Variants in ACBD6 observed in about 807,000 individuals in gnomAD.
ACBD6 encodes acyl-CoA binding domain containing 6, also known as acyl-CoA-binding domain-containing protein 6.
Under a neutral mutation model 37.2 loss-of-function variants are expected in ACBD6, and 28 were observed. The observed-to-expected ratio is 0.75, with a 90% confidence interval of 0.56 to 1.03. ACBD6 has a LOEUF of 1.03. Ranked by LOEUF, ACBD6 falls within the 50% of genes least tolerant of loss-of-function variation. The pLI, the probability that ACBD6 is intolerant of heterozygous loss-of-function variation, is 0.00. For synonymous variants in ACBD6, 113 were observed against 126.8 expected (o/e 0.89, Z 0.73); for missense variants, 340 against 337.4 (o/e 1.01, Z -0.06).
chr1:180,276,211 T>C (rs1218074659), intron 9 of ACBD6: 1 of 152,240 alleles, frequency 6.6e-6, no homozygotes, highest in East Asian at 1.9e-4. Flanking sequence ...CCCTTCCTTC[T>C]ACGAATGGTT....
At chr1:180,296,544 C>T (rs896990238) in intron 7 of ACBD6, among the ~76,000 whole-genome samples, 4 of 152,130 alleles carry the variant, frequency 2.6e-5, no homozygotes, top group Non-Finnish European at 5.9e-5. Context: ...ATTCTCGTAC[C>T]TCAGCCTCCT....
intron 4 of ACBD6, among the ~76,000 whole-genome samples, chr1:180,422,591 T>G (rs1372714769): frequency 6.6e-6 from 1 of 152,170 alleles, no homozygotes. Flanking sequence ...CAGACCTCAA[T>G]CTACAATACG....
At chr1:180,428,956 C>T (rs1242305460) in intron 4 of ACBD6, among the ~76,000 whole-genome samples, 1 of 152,164 alleles carries the variant, frequency 6.6e-6, no homozygotes, top group Non-Finnish European at 1.5e-5. Context: ...GCTAACTCTA[C>T]ATAAGCAATA....
intron 6 of ACBD6, among the ~76,000 whole-genome samples, chr1:180,395,209 A>G (rs1465342948): frequency 6.6e-6 from 1 of 152,142 alleles, no homozygotes; most frequent in Non-Finnish European, 1.5e-5. Flanking sequence ...AATTATGGTG[A>G]GTAGTGGGCG....
intron 6 of ACBD6, among the ~76,000 whole-genome samples, chr1:180,354,966 A>C (rs1382887612): frequency 1.3e-5 from 2 of 152,254 alleles, no homozygotes; most frequent in Non-Finnish European, 2.9e-5. Flanking sequence ...ACAAAGATGC[A>C]GTATTCCAGG....
intron 3 of ACBD6, among the ~76,000 whole-genome samples, chr1:180,453,772 A>T (rs1649804479): frequency 6.6e-6 from 1 of 152,222 alleles, no homozygotes; most frequent in African/African-American, 2.4e-5. Flanking sequence ...CAGAGAGCCA[A>T]ATCATGAGTG....
At chr1:180,400,925 A>G (rs945179557) in intron 5 of ACBD6, among the ~76,000 whole-genome samples, 17 of 152,204 alleles carry the variant, frequency 1.1e-4, no homozygotes, top group Non-Finnish European at 8.8e-5. Context: ...TATATCTTCT[A>G]AGACTTTATC....
At chr1:180,344,444 G>A (rs903657828) in intron 6 of ACBD6, among the ~76,000 whole-genome samples, 3 of 152,042 alleles carry the variant, frequency 2.0e-5, no homozygotes, top group Non-Finnish European at 2.9e-5. Context: ...AAGTAATGAA[G>A]TATGGAATAT....
At chr1:180,316,194 C>T (rs1489283893) in intron 6 of ACBD6, among the ~76,000 whole-genome samples, 1 of 152,012 alleles carries the variant, frequency 6.6e-6, no homozygotes, top group East Asian at 1.9e-4. Context: ...TGAAGTTCTG[C>T]TCAAGAGAAT....
chr1:180,349,144 T>G (rs1468676912), intron 6 of ACBD6, among the ~76,000 whole-genome samples: 2 of 152,020 alleles, frequency 1.3e-5, no homozygotes, highest in Admixed American at 1.3e-4. Context: ...TAAAGTCAGC[T>G]TTTATTTACT....
At chr1:180,363,552 G>C (rs16855910) in intron 6 of ACBD6, among the ~76,000 whole-genome samples, 1 of 152,056 alleles carries the variant, frequency 6.6e-6, no homozygotes, top group Non-Finnish European at 1.5e-5. Flanking sequence ...AAAATGTAAC[G>C]GGCAAAGCAA....
chr1:180,422,204 CTTTTT>C (rs1002027107), intron 4 of ACBD6, among the ~76,000 whole-genome samples: 2 of 149,412 alleles, frequency 1.3e-5, no homozygotes, highest in African/African-American at 5.0e-5. Context: ...ATTCCCTTTT[CTTTTT>C]TCTTTTTTTT....
chr1:180,299,670 A>G (rs1406788208), intron 7 of ACBD6, among the ~76,000 whole-genome samples: 1 of 151,948 alleles, frequency 6.6e-6, no homozygotes, highest in Non-Finnish European at 1.5e-5. Flanking sequence ...CTGAGGGCTC[A>G]TGAGGATACA....
intron 6 of ACBD6, among the ~76,000 whole-genome samples, chr1:180,392,142 G>A (rs1654100602): frequency 2.6e-5 from 4 of 152,116 alleles, no homozygotes; most frequent in African/African-American, 9.7e-5. Context: ...TCACCTCAGG[G>A]TGGAAGTGAA....
intron 6 of ACBD6, among the ~76,000 whole-genome samples, chr1:180,340,374 C>A (rs576853288): frequency 2.6e-5 from 4 of 152,094 alleles, no homozygotes; most frequent in Non-Finnish European, 5.9e-5. Context: ...AAGAAATAGT[C>A]ACTGGATTTA....
At chr1:180,311,185 T>G (rs564768439) in intron 7 of ACBD6, among the ~76,000 whole-genome samples, 4 of 152,214 alleles carry the variant, frequency 2.6e-5, no homozygotes, top group Non-Finnish European at 5.9e-5. Context: ...TTAGGATTCC[T>G]AAGCCATGAC....
intron 5 of ACBD6, among the ~76,000 whole-genome samples, chr1:180,412,055 T>G (rs1334850044): frequency 3.3e-5 from 5 of 150,388 alleles, no homozygotes; most frequent in Non-Finnish European, 7.4e-5. Context: ...TGCAGTGGTC[T>G]GGAACTGAAT....
chr1:180,364,992 C>G (rs945029888), intron 6 of ACBD6, among the ~76,000 whole-genome samples: 1 of 152,160 alleles, frequency 6.6e-6, no homozygotes, highest in African/African-American at 2.4e-5. Flanking sequence ...CTTGGCCTCC[C>G]AAAGTGCTGG....
At chr1:180,440,050 T>C (rs376450605) in intron 3 of ACBD6, among the ~76,000 whole-genome samples, 7 of 152,186 alleles carry the variant, frequency 4.6e-5, no homozygotes, top group South Asian at 2.1e-4. Flanking sequence ...AAATTTACTA[T>C]AGTTCAGTTC....
Sources: allele counts gnomAD v4.1 joint callset (sites outside exome capture counted in the v4.1 genomes callset), GRCh38; gene constraint gnomAD v4.1.1; transcripts MANE v1.5; gene names NCBI Gene and HGNC (gene_info 2026-07-23, HGNC 2026-07-21).